PDZD2: variants seen among roughly 807,000 people sequenced by gnomAD.
The protein encoded by PDZD2 is PDZ domain-containing protein 2.
Under a neutral mutation model 220.7 loss-of-function variants are expected in PDZD2, and 90 were observed. That is an observed-to-expected ratio of 0.41 (90% CI 0.34 to 0.49). The LOEUF (loss-of-function observed/expected upper bound fraction) is 0.49, where lower values mean the gene tolerates loss of function less well. Ranked by LOEUF, PDZD2 falls within the 20% of genes least tolerant of loss-of-function variation. PDZD2 has a pLI of 0.28. For synonymous variants in PDZD2, 1,375 were observed against 1,450.5 expected, an observed-to-expected ratio of 0.95 and a Z score of 1.18; for missense variants, 3,174 against 3,608.5, an observed-to-expected ratio of 0.88 and a Z score of 3.08.
At chr5:31,727,015 G>C (rs955379806) in intron 1 of PDZD2, among the ~76,000 whole-genome samples, 1 of 152,156 alleles carries the variant, frequency 6.6e-6, no homozygotes, top group Non-Finnish European at 1.5e-5. Flanking sequence ...GAGCATGCGA[G>C]AGAGAGAAAG....
At position 32,000,546 on chromosome 5, in the gene PDZD2, T is replaced by G. The variant is rs1387475558; in HGVS notation, c.1254+275T>G. On this transcript the variant is annotated intron_variant, in intron 5 of 24. Coordinates refer to ENST00000438447, the MANE Select transcript of PDZD2 (RefSeq NM_178140.4). The surrounding 1 kb of genome is among the most constrained non-coding windows in gnomAD (Gnocchi z 4.5). ...TTTTTTTGAGACGGAGTTTCACTCT[T>G]GTTGCCTAGTCTGGAGTGCAATGGC... Among the ~76,000 whole-genome samples the G allele has an allele frequency of 1.3e-5, 2 of 152,150 alleles. No homozygotes were observed. Among genetic ancestry groups the G allele is most frequent in the Admixed American group, 6.5e-5 (1 of 15,278 alleles).
chr5:31,895,739 T>C (rs1203629953), intron 2 of PDZD2, among the ~76,000 whole-genome samples: 1 of 152,122 alleles, frequency 6.6e-6, no homozygotes, highest in African/African-American at 2.4e-5. Flanking sequence ...ACCTCCCTCA[T>C]GAAGGCGCCT....
chr5:31,729,662 T>C (rs546330063), intron 1 of PDZD2, among the ~76,000 whole-genome samples: 3 of 152,318 alleles, frequency 2.0e-5, no homozygotes, highest in South Asian at 4.2e-4. Flanking sequence ...TTCAGAACAA[T>C]CTTTTTACCT....
chr5:31,882,434 A>C (rs746268449), intron 2 of PDZD2, among the ~76,000 whole-genome samples: 1 of 152,146 alleles, frequency 6.6e-6, no homozygotes, highest in Non-Finnish European at 1.5e-5. Context: ...TAATAATTAG[A>C]AGCCTGGACA....
chr5:31,738,712 TAAATGAAATG>T (rs969752213), intron 1 of PDZD2: 8 of 152,148 alleles, frequency 5.3e-5, no homozygotes, highest in African/African-American at 1.7e-4. Flanking sequence ...TAGTCAAAAA[TAAATGAAATG>T]AAATGAAATG....
At chr5:31,762,272 T>G (rs890714777) in intron 1 of PDZD2, among the ~76,000 whole-genome samples, 4 of 151,922 alleles carry the variant, frequency 2.6e-5, no homozygotes, top group African/African-American at 9.7e-5. Flanking sequence ...CTTGGTTTTG[T>G]TTGTTGTTGT....
At chr5:31,731,474 C>T (rs1749532706) in intron 1 of PDZD2, among the ~76,000 whole-genome samples, 1 of 152,168 alleles carries the variant, frequency 6.6e-6, no homozygotes, top group Non-Finnish European at 1.5e-5. Flanking sequence ...AGCGGTCACT[C>T]GCTATTGGCC....
chr5:32,037,029 G>A (rs963093231), intron 6 of PDZD2, among the ~76,000 whole-genome samples: 6 of 152,246 alleles, frequency 3.9e-5, no homozygotes, highest in South Asian at 2.1e-4. Context: ...GCGGTGAGAC[G>A]CGTGCTGAGG....
intron 6 of PDZD2, among the ~76,000 whole-genome samples, chr5:32,035,815 T>C (rs62360059): frequency 0.59 from 89,986 of 152,042 alleles, 26,856 homozygotes; most frequent in South Asian, 0.63. Flanking sequence ...CCAACCCCAA[T>C]TGGGAGGAAG....
Position 32,110,641 on chromosome 5 carries a change from T to C in PDZD2, c.*2506T>C, listed in dbSNP as rs1745301937. 1 of 152,670 alleles carries C rather than the reference T, an allele frequency of 6.6e-6. No homozygotes were observed. The allele number at this position is 152,670 out of a possible 1,614,324, so 9.5% of individuals were successfully genotyped here. On this transcript the variant is annotated 3_prime_UTR_variant, in exon 25 of 25. Transcript: ENST00000438447. ...ATGTGTTATAACAAGTAAACCGTAGTTGCAAGAATATACCATGAAGATTAA... is the reference window on the plus strand; with the variant it reads ...ATGTGTTATAACAAGTAAACCGTAGCTGCAAGAATATACCATGAAGATTAA...
Position 31,725,910 on chromosome 5 carries a change from G to A in PDZD2, c.-360-72979G>A, listed in dbSNP as rs1026308275. On this transcript the variant is annotated intron_variant, in intron 1 of 24. Coordinates refer to ENST00000438447, the MANE Select transcript of PDZD2 (RefSeq NM_178140.4). ...GGACTATACAATCTCTTCTCACAGG[G>A]CCGTTCCTCCAGCTGCCTGGGTCTC... The A allele has an allele frequency of 5.7e-6, 4 of 697,032 alleles. No individual in the cohort carries two copies. The Admixed American group carries it at 6.4e-5, about 11-fold the overall frequency. 43.2% of individuals were successfully genotyped at this position (697,032 alleles called of 1,614,324 possible).
At chr5:31,706,946 C>A (rs1482529148) in intron 1 of PDZD2, among the ~76,000 whole-genome samples, 2 of 151,846 alleles carry the variant, frequency 1.3e-5, no homozygotes, top group East Asian at 1.9e-4. Flanking sequence ...TGTGTTGAAG[C>A]CTTAACCCCC....
At position 32,088,194 on chromosome 5, in the gene PDZD2, C is replaced by T. The variant is rs1203106141; in HGVS notation, c.4746C>T (p.Ser1582=). The T allele has an allele frequency of 1.9e-6, 3 of 1,614,144 alleles. No homozygotes were observed. Among genetic ancestry groups the T allele is most frequent in the Non-Finnish European group, 2.5e-6 (3 of 1,180,016 alleles). Residue 1582 remains serine, a synonymous_variant, in exon 20 of 25, where the codon TCC becomes TCT. Transcript: ENST00000438447. The surrounding 1 kb of genome is among the most constrained non-coding windows in gnomAD (Gnocchi z 4.6). The part of the protein sequence containing the change: ...SARDGWSPPR[S]RVSLHKEDPS... ...GGGACGGCTGGTCCCCTCCTCGTTC[C>T]CGTGTGTCTTTGCACAAGGAAGATC...
At position 32,048,637 on chromosome 5, in the gene PDZD2, C is replaced by T. The variant is rs768559090; in HGVS notation, c.1618C>T (p.Arg540Trp). Reference protein sequence around the residue: ...IRMLEVSRDGRKHSLPQLLDS... With the variant: ...IRMLEVSRDGWKHSLPQLLDS... Reference sequence around the variant, plus strand: ...GATGTTGGAGGTCTCCCGAGATGGCCGGAAACACTCCCTCCCGCAGCTGCT... The same window carrying T: ...GATGTTGGAGGTCTCCCGAGATGGCTGGAAACACTCCCTCCCGCAGCTGCT... Residue 540 changes from arginine to tryptophan, a missense_variant, in exon 8 of 25, where the codon CGG (arginine) becomes TGG (tryptophan). Arg to Trp is a moderately radical substitution (Grantham distance 101, BLOSUM62 -3). Coordinates refer to ENST00000438447, the MANE Select transcript of PDZD2 (RefSeq NM_178140.4). The T allele has an allele frequency of 5.0e-6, 8 of 1,613,972 alleles. No individual in the cohort carries two copies. The highest frequency in any genetic ancestry group is 5.1e-6 in the Non-Finnish European group (6 of 1,180,012).
chr5:31,864,887 C>G (rs1738062301), intron 2 of PDZD2, among the ~76,000 whole-genome samples: 1 of 125,738 alleles, frequency 8.0e-6, no homozygotes, highest in Non-Finnish European at 1.6e-5. Flanking sequence ...CTCGCTCTGT[C>G]GCCCAGGCTA....
At chr5:31,814,144 T>A (rs1755290681) in intron 2 of PDZD2, among the ~76,000 whole-genome samples, 3 of 152,212 alleles carry the variant, frequency 2.0e-5, no homozygotes, top group Admixed American at 6.5e-5. Context: ...TTTTCACAAT[T>A]CAATGCCTTT....
chr5:31,953,938 C>T (rs1037932880), intron 2 of PDZD2, among the ~76,000 whole-genome samples: 2 of 151,968 alleles, frequency 1.3e-5, no homozygotes, highest in Non-Finnish European at 2.9e-5. Context: ...TGTGAGCCAT[C>T]GCACCTGGCT....
intron 1 of PDZD2, among the ~76,000 whole-genome samples, chr5:31,756,656 C>T (rs750326708): frequency 6.6e-6 from 1 of 152,220 alleles, no homozygotes; most frequent in Non-Finnish European, 1.5e-5. Context: ...AACATAGGAG[C>T]TGGGTAAAGG....
At chr5:32,020,362 T>TA (rs1754104280) in intron 6 of PDZD2, among the ~76,000 whole-genome samples, 1 of 151,758 alleles carries the variant, frequency 6.6e-6, no homozygotes, top group Admixed American at 6.6e-5. Context: ...GAAACTGAAA[T>TA]AAAAATTTCT....
Sources: allele counts gnomAD v4.1 joint callset (sites outside exome capture counted in the v4.1 genomes callset), GRCh38; gene constraint gnomAD v4.1.1; non-coding constraint Gnocchi (gnomAD v3.1); transcripts MANE v1.5; gene names NCBI Gene and HGNC (gene_info 2026-07-23, HGNC 2026-07-21).